The following PRKG1 variants were observed in gnomAD, a reference collection of about 807,000 sequenced individuals.
The protein encoded by PRKG1 is protein kinase cGMP-dependent 1.
In PRKG1, 35 loss-of-function variants were observed where a neutral mutation model predicts 88.1. The observed-to-expected ratio is 0.40, with a 90% CI of 0.30 to 0.53. The LOEUF is 0.53. Among genes scored for constraint, PRKG1 ranks in the 20% least tolerant of loss-of-function variants. The pLI is 0.59. For missense variants in PRKG1, 540 were observed against 839.8 expected (o/e 0.64, Z 4.41); for synonymous variants, 303 against 292.5 (o/e 1.04, Z -0.37).
chr10:51,803,532 A>G (rs1387371480), intron 3 of PRKG1, among the ~76,000 whole-genome samples: 1 of 152,038 alleles, frequency 6.6e-6, no homozygotes, highest in Non-Finnish European at 1.5e-5. Context: ...TCCTCTGATA[A>G]CTTTTCTTCT....
chr10:51,791,533 T>C (rs1838869434), intron 3 of PRKG1, among the ~76,000 whole-genome samples: 1 of 152,136 alleles, frequency 6.6e-6, no homozygotes, highest in African/African-American at 2.4e-5. Flanking sequence ...GTTTCCCCTT[T>C]TTAACCCAGT....
chr10:51,005,023 A>G (rs764903055), intron 1 of PRKG1, among the ~76,000 whole-genome samples: 4 of 152,182 alleles, frequency 2.6e-5, no homozygotes, highest in African/African-American at 4.8e-5. Context: ...TTCCTTTTAT[A>G]GGATGGCAAC....
intron 8 of PRKG1, among the ~76,000 whole-genome samples, chr10:52,159,794 C>T (rs1838231523): frequency 6.6e-6 from 1 of 151,702 alleles, no homozygotes; most frequent in Admixed American, 6.6e-5. Context: ...TACTTGAACT[C>T]TCAGAATTAC....
intron 3 of PRKG1, among the ~76,000 whole-genome samples, chr10:51,600,351 G>T: frequency 6.6e-6 from 1 of 152,044 alleles, no homozygotes; most frequent in Admixed American, 6.6e-5. Flanking sequence ...AATTCCCATG[G>T]CTAAGAATCT....
In PRKG1 at chr10:51,846,584, G is replaced by A. The variant is rs897481149; in HGVS notation, c.698+41894G>A. The stretch of plus-strand genomic sequence containing the variant: ...CCTTTTTCTGCCACTATATTAATAT[G>A]TATAGACAGTGTATTGATCTTCTTT... On this transcript the variant is annotated intron_variant, in intron 4 of 17. Coordinates refer to ENST00000373980, the MANE Select transcript of PRKG1 (RefSeq NM_006258.4). Among the ~76,000 whole-genome samples the A allele has an allele frequency of 8.5e-5, 13 of 152,284 alleles. 1 individual carries two copies. In the South Asian group the frequency reaches 2.3e-3, roughly 27 times the overall value.
chr10:51,021,385 C>T (rs1208022994), intron 1 of PRKG1, among the ~76,000 whole-genome samples: 1 of 152,176 alleles, frequency 6.6e-6, no homozygotes, highest in African/African-American at 2.4e-5. Context: ...TCTTGCTTCC[C>T]ATAGCATTTC....
intron 2 of PRKG1, among the ~76,000 whole-genome samples, chr10:51,413,361 T>A (rs1838153530): frequency 1.2e-5 from 1 of 81,968 alleles, no homozygotes; most frequent in East Asian, 4.2e-4. Flanking sequence ...TTTTGTTTTT[T>A]GTTTGTTTGT....
chr10:51,848,063 G>GT (rs58838968), intron 4 of PRKG1, among the ~76,000 whole-genome samples: 152,053 of 152,092 alleles, frequency 1, 76,007 homozygotes, highest in Middle Eastern at 1. Flanking sequence ...GTGATAACCG[G>GT]GGACCAAATG....
intron 3 of PRKG1, among the ~76,000 whole-genome samples, chr10:51,562,262 T>C (rs1187027249): frequency 6.6e-6 from 1 of 151,800 alleles, no homozygotes; most frequent in African/African-American, 2.4e-5. Context: ...TGAAAATTAT[T>C]AATGAATTTT....
intron 1 of PRKG1, among the ~76,000 whole-genome samples, chr10:51,142,082 A>G (rs1845834339): frequency 6.6e-6 from 1 of 152,142 alleles, no homozygotes; most frequent in African/African-American, 2.4e-5. Flanking sequence ...TACATATTGA[A>G]GTCATCTGAG....
At chr10:51,202,734 A>T (rs1161741553) in intron 2 of PRKG1, among the ~76,000 whole-genome samples, 1 of 152,206 alleles carries the variant, frequency 6.6e-6, no homozygotes, top group Non-Finnish European at 1.5e-5. Context: ...ATGATTTGAG[A>T]TTCGTTTGAG....
intron 3 of PRKG1, among the ~76,000 whole-genome samples, chr10:51,688,403 G>A (rs1841047826): frequency 6.6e-6 from 1 of 152,206 alleles, no homozygotes; most frequent in Non-Finnish European, 1.5e-5. Flanking sequence ...TGGCAGGCTG[G>A]TGTCTCTCCT....
chr10:51,827,006 T>G (rs555359659), intron 4 of PRKG1, among the ~76,000 whole-genome samples: 1 of 152,288 alleles, frequency 6.6e-6, no homozygotes, highest in South Asian at 2.1e-4. Flanking sequence ...TACAGTCCAT[T>G]AACACTAAAA....
intron 7 of PRKG1, among the ~76,000 whole-genome samples, chr10:52,071,127 T>G (rs1200458202): frequency 1.4e-5 from 2 of 147,018 alleles, no homozygotes; most frequent in Non-Finnish European, 3.1e-5. Flanking sequence ...AATATCTTTT[T>G]TCTTTTCCTT....
intron 3 of PRKG1, among the ~76,000 whole-genome samples, chr10:51,569,783 T>G (rs1412083657): frequency 6.6e-6 from 1 of 151,960 alleles, no homozygotes; most frequent in Non-Finnish European, 1.5e-5. Flanking sequence ...AACTATTAAT[T>G]TATTTAAAAC....
In PRKG1 at chr10:51,729,706, CAAAAAAAA is replaced by C. The variant is rs34900286; in HGVS notation, c.593-74858_593-74851del. On this transcript the variant is annotated intron_variant, in intron 3 of 17. Transcript: ENST00000373980. ...TGGGCAACAGAGTGAGACTCCATCTCAAAAAAAAAAAAAAAAAAAAAAAAAAAAGGATG... is the reference window on the plus strand; with the variant it reads ...TGGGCAACAGAGTGAGACTCCATCTCAAAAAAAAAAAAAAAAAAAAGGATG... Among the ~76,000 whole-genome samples, 141 of 28,758 alleles carry C rather than the reference CAAAAAAAA, an allele frequency of 4.9e-3. 1 individual carries two copies. Among genetic ancestry groups the C allele is most frequent in the Middle Eastern group, 0.038 (1 of 26 alleles). The allele number at this position is 28,758 out of a possible 152,430, so 18.9% of individuals were successfully genotyped here.
At chr10:51,721,594 A>G (rs1393113740) in intron 3 of PRKG1, among the ~76,000 whole-genome samples, 1 of 152,212 alleles carries the variant, frequency 6.6e-6, no homozygotes, top group Non-Finnish European at 1.5e-5. Flanking sequence ...CACAAGGTAT[A>G]AGGAGGCTCT....
chr10:52,198,078 TACAAAC>T (rs1283853276), intron 9 of PRKG1, among the ~76,000 whole-genome samples: 2 of 152,154 alleles, frequency 1.3e-5, no homozygotes, highest in Admixed American at 6.5e-5. Context: ...GACAGAAAAA[TACAAAC>T]ACAATGTTAT....
chr10:51,172,632 GTATGTATGTATGTATGTATCTATC>G (rs1404593549), intron 2 of PRKG1, among the ~76,000 whole-genome samples: 347 of 60,016 alleles, frequency 5.8e-3, no homozygotes, highest in South Asian at 0.031. Context: ...ATGTATGTAT[GTATGTATGTATGTATGTATCTATC>G]TATCTATCTA....
Sources: gnomAD v4.1 joint callset for allele counts (sites outside exome capture counted in the v4.1 genomes callset) on GRCh38, gnomAD v4.1.1 for gene constraint, MANE v1.5 for transcripts, NCBI Gene and HGNC (gene_info 2026-07-23, HGNC 2026-07-21) for gene names.